Variants in SPAG16 observed in about 807,000 individuals in gnomAD.
SPAG16 encodes sperm associated antigen 16, also known as sperm-associated antigen 16 protein.
In SPAG16, 86 loss-of-function variants were observed where a neutral mutation model predicts 80.4. The observed-to-expected ratio is 1.07, with a 90% CI of 0.90 to 1.28. The LOEUF (loss-of-function observed/expected upper bound fraction) is 1.28. Among genes scored for constraint, SPAG16 ranks in the 50% most tolerant of loss-of-function variants. The pLI, the probability that SPAG16 is intolerant of heterozygous loss-of-function variation, is 0.00. For synonymous variants in SPAG16, 294 were observed against 265.9 expected, an observed-to-expected ratio of 1.11 and a Z score of -1.03; for missense variants, 870 against 765.3, an observed-to-expected ratio of 1.14 and a Z score of -1.61.
chr2:213,715,222 G>GTCTATCTATCCATCTATCTATCTA (rs1553615158), intron 10 of SPAG16, among the ~76,000 whole-genome samples: 85 of 110,576 alleles, frequency 7.7e-4, no homozygotes, highest in South Asian at 4.7e-3. Flanking sequence ...AGATCTATCT[G>GTCTATCTATCCATCTATCTATCTA]TCTATCTATC....
chr2:213,895,572 G>A (rs903231411), intron 11 of SPAG16, among the ~76,000 whole-genome samples: 1 of 152,040 alleles, frequency 6.6e-6, no homozygotes, highest in Non-Finnish European at 1.5e-5. Context: ...ATAAACCAAT[G>A]GAACAGAATA....
intron 9 of SPAG16, among the ~76,000 whole-genome samples, chr2:213,448,124 G>A (rs1054232376): frequency 3.3e-5 from 5 of 152,190 alleles, no homozygotes; most frequent in Admixed American, 2.6e-4. Flanking sequence ...TCAAAAATTA[G>A]CTAATCAAAT....
At chr2:213,583,676 C>A (rs75209413) in intron 10 of SPAG16, among the ~76,000 whole-genome samples, 1,997 of 152,232 alleles carry the variant, frequency 0.013, 20 homozygotes, top group South Asian at 0.035. Flanking sequence ...ACTGTTTAAA[C>A]ATCTTCTCAG....
At chr2:213,626,650 T>G (rs2061971946) in intron 10 of SPAG16, among the ~76,000 whole-genome samples, 1 of 144,516 alleles carries the variant, frequency 6.9e-6, no homozygotes, top group African/African-American at 2.6e-5. Flanking sequence ...AATTTTTTTT[T>G]TTTTTTTTTT....
intron 15 of SPAG16, among the ~76,000 whole-genome samples, chr2:214,154,981 A>G (rs1387132903): frequency 6.6e-6 from 1 of 152,214 alleles, no homozygotes; most frequent in Non-Finnish European, 1.5e-5. Flanking sequence ...GGTGAGCCCT[A>G]TGACTGCTCC....
intron 11 of SPAG16, among the ~76,000 whole-genome samples, chr2:213,921,637 G>T (rs1344723969): frequency 6.6e-6 from 1 of 152,088 alleles, no homozygotes; most frequent in South Asian, 2.1e-4. Context: ...ACTGGTTTGT[G>T]TACTTAAGTG....
intron 5 of SPAG16, among the ~76,000 whole-genome samples, chr2:213,333,963 C>A (rs546312290): frequency 9.9e-5 from 15 of 151,894 alleles, no homozygotes; most frequent in African/African-American, 3.6e-4. Flanking sequence ...AAATAATGGA[C>A]AAATGGCATC....
At chr2:213,481,659 G>A (rs1320227476) in intron 9 of SPAG16, among the ~76,000 whole-genome samples, 1 of 152,192 alleles carries the variant, frequency 6.6e-6, no homozygotes, top group Non-Finnish European at 1.5e-5. Context: ...AGAAACAGAG[G>A]GATAAGTAAC....
intron 10 of SPAG16, among the ~76,000 whole-genome samples, chr2:213,642,700 A>G (rs2062637896): frequency 1.6e-5 from 1 of 62,290 alleles, no homozygotes; most frequent in Non-Finnish European, 3.2e-5. Flanking sequence ...GGGCGCCTGT[A>G]GTCCCAGCTA....
chr2:214,090,256 C>A (rs2052087997), intron 13 of SPAG16, among the ~76,000 whole-genome samples: 1 of 151,662 alleles, frequency 6.6e-6, no homozygotes, highest in African/African-American at 2.4e-5. Context: ...ATAATAAGAA[C>A]AAGTATAAGA....
At chr2:213,840,908 A>G (rs1483709971) in intron 10 of SPAG16, among the ~76,000 whole-genome samples, 1 of 152,198 alleles carries the variant, frequency 6.6e-6, no homozygotes, top group Non-Finnish European at 1.5e-5. Context: ...AGCTAAAATA[A>G]TAAGCATTAT....
At chr2:213,594,092 T>C (rs781780978) in intron 10 of SPAG16, among the ~76,000 whole-genome samples, 68 of 152,172 alleles carry the variant, frequency 4.5e-4, no homozygotes, top group Admixed American at 7.2e-4. Flanking sequence ...CCACATCTTA[T>C]TAAACTTCAA....
intron 7 of SPAG16, among the ~76,000 whole-genome samples, chr2:213,362,962 AT>A (rs1164190702): frequency 2.0e-5 from 3 of 152,184 alleles, no homozygotes; most frequent in African/African-American, 7.2e-5. Context: ...GAGGACAAAT[AT>A]CCAAACTATA....
At chr2:214,349,035 C>G (rs1452585144) in intron 15 of SPAG16, among the ~76,000 whole-genome samples, 1 of 152,152 alleles carries the variant, frequency 6.6e-6, no homozygotes, top group African/African-American at 2.4e-5. Context: ...AAATTCAACA[C>G]TAATTATTGT....
chr2:213,694,910 A>G (rs1174321150), intron 10 of SPAG16, among the ~76,000 whole-genome samples: 1 of 151,722 alleles, frequency 6.6e-6, no homozygotes, highest in Non-Finnish European at 1.5e-5. Flanking sequence ...AACATCTTCT[A>G]CCTCCCAGTA....
At chr2:214,309,490 T>G (rs1695138366) in intron 15 of SPAG16, among the ~76,000 whole-genome samples, 1 of 152,178 alleles carries the variant, frequency 6.6e-6, no homozygotes, top group Non-Finnish European at 1.5e-5. Context: ...TTTTTAGTAT[T>G]CTTGTGCTGA....
At chr2:214,333,183 C>T (rs1697047449) in intron 15 of SPAG16, among the ~76,000 whole-genome samples, 1 of 152,138 alleles carries the variant, frequency 6.6e-6, no homozygotes, top group African/African-American at 2.4e-5. Flanking sequence ...AGAATTGACT[C>T]AAGTCTGGTT....
intron 13 of SPAG16, among the ~76,000 whole-genome samples, chr2:214,063,305 A>T (rs1191166421): frequency 6.6e-6 from 1 of 152,148 alleles, no homozygotes; most frequent in Non-Finnish European, 1.5e-5. Context: ...AATGTGCTGA[A>T]ATGCCATAAT....
intron 5 of SPAG16, among the ~76,000 whole-genome samples, chr2:213,332,642 G>A (rs13395064): frequency 0.2 from 30,573 of 151,950 alleles, 3,880 homozygotes; most frequent in Non-Finnish European, 0.29. Flanking sequence ...ACCAGCCAGC[G>A]GAATTCAACA....
Sources: allele counts gnomAD v4.1 joint callset (sites outside exome capture counted in the v4.1 genomes callset), GRCh38; gene constraint gnomAD v4.1.1; transcripts MANE v1.5; gene names NCBI Gene and HGNC (gene_info 2026-07-23, HGNC 2026-07-21).